Variants in SPHKAP observed in about 807,000 individuals in gnomAD.
SPHKAP encodes SPHK1 interactor, AKAP domain containing.
SPHKAP carries 67 observed loss-of-function variants against 137.5 expected under a neutral mutation model. The ratio of observed to expected loss-of-function variants is 0.49; its 90% CI spans 0.40 to 0.60. The LOEUF (loss-of-function observed/expected upper bound fraction) is 0.60, where lower values mean the gene tolerates loss of function less well. Among genes scored for constraint, SPHKAP ranks in the 20% least tolerant of loss-of-function variants. The pLI, the probability that SPHKAP is intolerant of heterozygous loss-of-function variation, is 0.00. For missense variants in SPHKAP, 2,097 were observed against 2,069.3 expected (o/e 1.01, Z -0.26); for synonymous variants, 813 against 785.3 (o/e 1.04, Z -0.59).
chr2:228,148,710 G>A (rs1022477053), intron 1 of SPHKAP, among the ~76,000 whole-genome samples: 4 of 152,248 alleles, frequency 2.6e-5, no homozygotes, highest in Admixed American at 2.6e-4. Context: ...AGGTAGGTGA[G>A]TTTGGTTCAA....
chr2:228,091,336 C>T (rs1697722981), intron 3 of SPHKAP, among the ~76,000 whole-genome samples: 1 of 152,018 alleles, frequency 6.6e-6, no homozygotes, highest in Non-Finnish European at 1.5e-5. Flanking sequence ...ATTGGAAAAC[C>T]CGTTCTAGAC....
intron 9 of SPHKAP, among the ~76,000 whole-genome samples, chr2:227,992,248 C>T (rs1693441492): frequency 6.6e-6 from 1 of 152,144 alleles, no homozygotes; most frequent in African/African-American, 2.4e-5. Flanking sequence ...CTGAAAAATT[C>T]CATTGTGTTC....
intron 3 of SPHKAP, among the ~76,000 whole-genome samples, chr2:228,054,012 A>T (rs1696352377): frequency 6.6e-6 from 1 of 152,238 alleles, no homozygotes; most frequent in Non-Finnish European, 1.5e-5. Flanking sequence ...TTCAGAATGT[A>T]ATTCTGGTGC....
chr2:228,088,115 A>G (rs913178690), intron 3 of SPHKAP, among the ~76,000 whole-genome samples: 1 of 152,168 alleles, frequency 6.6e-6, no homozygotes. Flanking sequence ...GAGACCAGGT[A>G]AAATAAAATC....
Position 228,010,356 on chromosome 2 carries a change from G to A in SPHKAP, c.4448+6050C>T, listed in dbSNP as rs576080230. On this transcript the variant is annotated intron_variant, in intron 7 of 11. Transcript: ENST00000392056. The stretch of plus-strand genomic sequence containing the variant: ...AGCCTGGCCAACATGGTGAAACCCC[G>A]TCTCTACTAAAAATACGAAAGAAAA... Among the ~76,000 whole-genome samples, 8 of 152,148 alleles carry A rather than the reference G, an allele frequency of 5.3e-5. No homozygotes were observed. The East Asian group carries it at 1.2e-3, about 22-fold the overall frequency.
chr2:228,066,429 G>A (rs189247048), intron 3 of SPHKAP, among the ~76,000 whole-genome samples: 4 of 152,236 alleles, frequency 2.6e-5, no homozygotes, highest in Admixed American at 1.3e-4. Flanking sequence ...GTCTCACCTT[G>A]ACACAAGGTA....
intron 1 of SPHKAP, among the ~76,000 whole-genome samples, chr2:228,166,277 ATTTAC>A (rs1272243318): frequency 6.6e-6 from 1 of 152,218 alleles, no homozygotes; most frequent in African/African-American, 2.4e-5. Flanking sequence ...CATAATTCAT[ATTTAC>A]TTAAAAACTA....
At chr2:228,008,683 ATTTT>A (rs35526328) in intron 7 of SPHKAP, among the ~76,000 whole-genome samples, 1 of 144,886 alleles carries the variant, frequency 6.9e-6, no homozygotes. Flanking sequence ...GTCTGGATTC[ATTTT>A]TTTTTTTTTG....
chr2:228,017,686 G>T lies in SPHKAP; in HGVS notation c.3168C>A (p.Asp1056Glu). 1 of 1,613,932 alleles carries T rather than the reference G, an allele frequency of 6.2e-7. No individual in the cohort carries two copies. The highest frequency in any genetic ancestry group is 8.5e-7 in the Non-Finnish European group (1 of 1,179,972). Residue 1056 changes from aspartate to glutamate, a missense_variant, in exon 7 of 12, where the codon GAC (aspartate) becomes GAA (glutamate). Transcript: ENST00000392056. ...GATAGCCCTGCGCCTGCCACATGCC[G>T]TCCACCATAGAGAACTCCGTTAGGT... ...IMNLTEFSMV[D>E]GMWQAQGYPR...
At chr2:228,012,185 A>G (rs13395510) in intron 7 of SPHKAP, among the ~76,000 whole-genome samples, 7,813 of 76,366 alleles carry the variant, frequency 0.1, 323 homozygotes, top group Middle Eastern at 0.24. Context: ...AAAAAAAAAA[A>G]AAAGAAAGAA....
chr2:228,036,761 T>C (rs1477553573), intron 3 of SPHKAP, among the ~76,000 whole-genome samples: 1 of 152,022 alleles, frequency 6.6e-6, no homozygotes, highest in Non-Finnish European at 1.5e-5. Flanking sequence ...GAAACCATCA[T>C]TTTCCGAAAA....
intron 3 of SPHKAP, among the ~76,000 whole-genome samples, chr2:228,057,500 G>T (rs1696486556): frequency 6.6e-6 from 1 of 152,138 alleles, no homozygotes. Context: ...GTCTTCAGGG[G>T]GTGTGTGCCA....
rs561035131 is a variant in SPHKAP at position 228,025,547 on chromosome 2, T to A, written c.307-19A>T. 3.1e-6 allele frequency: 5 copies of A among 1,612,634 alleles called. No homozygotes were observed. In the African/African-American group the frequency reaches 6.7e-5, roughly 22 times the overall value. ...CCAGTTTCTGTAAAGCAAGAATCTTTATTAGTTTAGCTGATTTCTTTTCAC... is the reference window on the plus strand; with the variant it reads ...CCAGTTTCTGTAAAGCAAGAATCTTAATTAGTTTAGCTGATTTCTTTTCAC... On this transcript the variant is annotated intron_variant, in intron 4 of 11. Coordinates refer to ENST00000392056, the MANE Select transcript of SPHKAP (RefSeq NM_001142644.2).
chr2:228,035,763 C>T lies in SPHKAP; in HGVS notation c.247-8220G>A, dbSNP rs567422716. Among the ~76,000 whole-genome samples, 116 of 152,020 alleles carry T rather than the reference C, an allele frequency of 7.6e-4. 1 individual carries two copies. Among genetic ancestry groups the T allele is most frequent in the Middle Eastern group, 3.4e-3 (1 of 294 alleles). On this transcript the variant is annotated intron_variant, in intron 3 of 11. Coordinates refer to ENST00000392056, the MANE Select transcript of SPHKAP (RefSeq NM_001142644.2). The stretch of plus-strand genomic sequence containing the variant: ...ACCATCTGATCTTTGACAAACCTGA[C>T]AAAAACAAGCAATGGGGAAAGGATT...
intron 3 of SPHKAP, among the ~76,000 whole-genome samples, chr2:228,107,336 T>C (rs920124453): frequency 3.3e-5 from 5 of 152,162 alleles, no homozygotes; most frequent in African/African-American, 1.2e-4. Flanking sequence ...TTGTGGAAGT[T>C]TCAGTTATTA....
chr2:228,079,560 C>T (rs1009983281), intron 3 of SPHKAP, among the ~76,000 whole-genome samples: 4 of 152,218 alleles, frequency 2.6e-5, no homozygotes, highest in Non-Finnish European at 5.9e-5. Context: ...TTTCCCATCA[C>T]TGGGCCAACC....
chr2:228,086,080 G>C (rs1443613233), intron 3 of SPHKAP, among the ~76,000 whole-genome samples: 1 of 152,086 alleles, frequency 6.6e-6, no homozygotes, highest in African/African-American at 2.4e-5. Flanking sequence ...AAAAGAACTG[G>C]AAATGGAGAA....
chr2:228,071,633 G>GTTTTTT (rs368437055), intron 3 of SPHKAP, among the ~76,000 whole-genome samples: 22 of 151,780 alleles, frequency 1.4e-4, no homozygotes, highest in African/African-American at 5.3e-4. Context: ...TGCAAGGCTT[G>GTTTTTT]TTTTTTTTGT....
chr2:227,998,427 C>T (rs1199992203), intron 7 of SPHKAP, among the ~76,000 whole-genome samples: 1 of 152,138 alleles, frequency 6.6e-6, no homozygotes, highest in Non-Finnish European at 1.5e-5. Flanking sequence ...TCATCAAAAA[C>T]TAACAGTATT....
Sources: allele counts gnomAD v4.1 joint callset (sites outside exome capture counted in the v4.1 genomes callset), GRCh38; gene constraint gnomAD v4.1.1; transcripts MANE v1.5; gene names NCBI Gene and HGNC (gene_info 2026-07-23, HGNC 2026-07-21).